Variants in RAB40C observed in about 807,000 individuals in gnomAD.
RAB40C encodes ras-related protein Rab-40C.
A neutral mutation model predicts 28.1 loss-of-function variants in RAB40C; 8 were observed. The ratio of observed to expected loss-of-function variants is 0.28; its 90% CI spans 0.17 to 0.51. The LOEUF (loss-of-function observed/expected upper bound fraction) is 0.51. Ranked by LOEUF, RAB40C falls within the 20% of genes least tolerant of loss-of-function variation. RAB40C has a pLI of 0.97. For synonymous variants in RAB40C, 201 were observed against 171.7 expected, an observed-to-expected ratio of 1.17 and a Z score of -1.34; for missense variants, 288 against 405.9, an observed-to-expected ratio of 0.71 and a Z score of 2.50.
chr16:590,682 C>T (rs1025467620), intron 1 of RAB40C, among the ~76,000 whole-genome samples: 2 of 152,206 alleles, frequency 1.3e-5, no homozygotes, highest in Admixed American at 6.5e-5. Context: ...GACCCGGGGT[C>T]TGGGGGACGG....
chr16:607,727 C>G, intron 1 of RAB40C, among the ~76,000 whole-genome samples: 1 of 152,030 alleles, frequency 6.6e-6, no homozygotes. Context: ...GAAGGCGGAG[C>G]TTGCAGTGAG....
intron 1 of RAB40C, among the ~76,000 whole-genome samples, chr16:603,538 G>A (rs541131459): frequency 3.9e-5 from 6 of 152,296 alleles, no homozygotes; most frequent in African/African-American, 1.4e-4. Context: ...GTCTTGTAGG[G>A]TAATCCGGTC....
intron 1 of RAB40C, among the ~76,000 whole-genome samples, chr16:613,883 G>C (rs902407142): frequency 2.0e-5 from 3 of 152,134 alleles, no homozygotes; most frequent in Admixed American, 1.3e-4. Flanking sequence ...TTGAGGAGCA[G>C]GATTCCTGAC....
At chr16:595,018 C>T (rs1435302081) in intron 1 of RAB40C, among the ~76,000 whole-genome samples, 1 of 152,028 alleles carries the variant, frequency 6.6e-6, no homozygotes, top group Non-Finnish European at 1.5e-5. Context: ...CAGGTTTCAC[C>T]ATGTTGGCTA....
intron 1 of RAB40C, among the ~76,000 whole-genome samples, chr16:601,529 A>G (rs2036248257): frequency 6.6e-6 from 1 of 152,154 alleles, no homozygotes; most frequent in Non-Finnish European, 1.5e-5. Context: ...TCAGCAGAGC[A>G]ATGTGATCGT....
chr16:625,842 G>A (rs1444271675), intron 4 of RAB40C, 57 bp from the exon 5 acceptor site: 26 of 1,484,960 alleles, frequency 1.8e-5, no homozygotes, highest in Middle Eastern at 1.8e-4. Context: ...GCCCTGCTGC[G>A]GCTGAGGGGT....
intron 2 of RAB40C, among the ~76,000 whole-genome samples, chr16:617,486 G>A (rs953254758): frequency 2.0e-5 from 3 of 152,212 alleles, no homozygotes; most frequent in East Asian, 1.9e-4. Flanking sequence ...CTCCTGCCCC[G>A]GAAAACCTGA....
At chr16:618,748 C>T (rs1473331716) in intron 3 of RAB40C, among the ~76,000 whole-genome samples, 4 of 138,792 alleles carry the variant, frequency 2.9e-5, no homozygotes, top group African/African-American at 8.5e-5. Context: ...ACAGGTCTGG[C>T]GGACGCACTG....
intron 3 of RAB40C, chr16:624,241 A>G: frequency 1.0e-6 from 1 of 985,294 alleles, no homozygotes; most frequent in African/African-American, 1.7e-5. Flanking sequence ...GCTGTGTTGT[A>G]CGCTTTGGTG....
At chr16:608,728 C>G (rs1180204727) in intron 1 of RAB40C, among the ~76,000 whole-genome samples, 1 of 152,142 alleles carries the variant, frequency 6.6e-6, no homozygotes, top group Non-Finnish European at 1.5e-5. Context: ...AAAAAATTAG[C>G]TGGGCATGGT....
At chr16:592,132 T>C (rs1160342124) in intron 1 of RAB40C, among the ~76,000 whole-genome samples, 2 of 152,244 alleles carry the variant, frequency 1.3e-5, no homozygotes, top group Non-Finnish European at 2.9e-5. Flanking sequence ...CTTCAGGGAA[T>C]GCCATCTACG....
intron 1 of RAB40C, 77 bp downstream of exon 1, chr16:590,510 C>T: frequency 1.4e-6 from 2 of 1,388,990 alleles, no homozygotes; most frequent in East Asian, 3.1e-5. Flanking sequence ...CGCCCTCGGC[C>T]CGGCCCTTCC....
upstream of RAB40C, chr16:589,629 A>G (rs1039421420): frequency 5.3e-5 from 8 of 152,196 alleles, no homozygotes; most frequent in South Asian, 4.1e-4. Flanking sequence ...GGCGAGGACA[A>G]CGGCGTTGTG....
intron 3 of RAB40C, among the ~76,000 whole-genome samples, chr16:619,753 G>C (rs1018006845): frequency 4.6e-5 from 7 of 152,216 alleles, no homozygotes; most frequent in Admixed American, 3.9e-4. Flanking sequence ...GGCTCAGGTG[G>C]GTCCGCTCTG....
At chr16:615,071 C>A (rs2036559890) in intron 1 of RAB40C, among the ~76,000 whole-genome samples, 1 of 152,200 alleles carries the variant, frequency 6.6e-6, no homozygotes, top group Non-Finnish European at 1.5e-5. Context: ...ATCCGTCCAT[C>A]CTAAAATTGG....
intron 1 of RAB40C, among the ~76,000 whole-genome samples, chr16:597,728 A>G (rs1247226152): frequency 1.3e-5 from 2 of 151,398 alleles, no homozygotes; most frequent in Non-Finnish European, 2.9e-5. Flanking sequence ...ACTTCAAGCA[A>G]TCCGCCCGCC....
intron 1 of RAB40C, among the ~76,000 whole-genome samples, chr16:607,575 G>A (rs1483386258): frequency 5.3e-5 from 8 of 151,332 alleles, no homozygotes; most frequent in Middle Eastern, 3.5e-3. Context: ...AGGCCTAGGC[G>A]GGCGGATCAC....
chr16:595,474 C>T (rs571198580), intron 1 of RAB40C, among the ~76,000 whole-genome samples: 72 of 152,344 alleles, frequency 4.7e-4, no homozygotes, highest in African/African-American at 1.3e-3. Context: ...TGCTGCACCG[C>T]GCACACTAAG....
intron 4 of RAB40C, 120 bp from the exon 5 acceptor site, chr16:625,779 C>T: frequency 9.3e-7 from 1 of 1,073,950 alleles, no homozygotes; most frequent in Non-Finnish European, 1.3e-6. Context: ...GACCTCCGCC[C>T]ACCTTGACCT....
Sources: gnomAD v4.1 joint callset for allele counts (sites outside exome capture counted in the v4.1 genomes callset) on GRCh38, gnomAD v4.1.1 for gene constraint, MANE v1.5 for transcripts, NCBI Gene and HGNC (gene_info 2026-07-23, HGNC 2026-07-21) for gene names.